The following OR10G4 variants were observed in gnomAD, a reference collection of about 807,000 sequenced individuals.
The protein encoded by OR10G4 is olfactory receptor 10G4.
For synonymous variants in OR10G4, 130 were observed against 159.3 expected (o/e 0.82, Z 1.39); for missense variants, 318 against 388.8 (o/e 0.82, Z 1.53).
chr11:124,015,240 G>T lies in OR10G4; in HGVS notation c.-27-308G>T, dbSNP rs539118875. 1.1e-4 allele frequency: 41 copies of T among 363,332 alleles called. 1 individual carries two copies. In the South Asian group the frequency reaches 1.3e-3, roughly 11 times the overall value. The allele number at this position is 363,332 out of a possible 1,614,324, so 22.5% of individuals were successfully genotyped here. A position where few individuals can be genotyped will look rare whatever the true frequency, so the allele number is the denominator to read the frequency against. ...TCCAGCTGACCTGGCCCACAGAGAG[G>T]GTGAGATAAAAATTTTACACGTTTT... On this transcript the variant is annotated intron_variant, in intron 1 of 1. Transcript: ENST00000641722.
rs554354023 is a variant in OR10G4 at position 124,015,957 on chromosome 11, C to T, written c.383C>T (p.Pro128Leu). 5.5e-5 allele frequency: 89 copies of T among 1,613,926 alleles called. 1 individual carries two copies. The East Asian group carries it at 1.7e-3, about 31-fold the overall frequency. Residue 128 changes from proline (P) to leucine (L), a missense_variant, in exon 2 of 2, where the codon CCG becomes CTG. By Grantham distance (98) the Pro-to-Leu change is moderately conservative. Transcript: ENST00000641722. ...SYDRYLAISY[P>L]LRYTSMMSGS... ...GATCGCTACTTGGCCATCAGTTACC[C>T]GCTCAGGTACACCAGCATGATGAGT...
At position 124,015,563 on chromosome 11, in the gene OR10G4, G is replaced by A; in HGVS notation, c.-12G>A. 1 of 1,607,324 alleles carries A rather than the reference G, an allele frequency of 6.2e-7. No individual in the cohort carries two copies. On this transcript the variant is annotated 5_prime_UTR_variant, in exon 2 of 2. Coordinates refer to ENST00000641722, the MANE Select transcript of OR10G4 (RefSeq NM_001004462.2). ...ATATCCCCAGAGGGAGAGAGACCAA[G>A]GGTGAGAAGAAATGTCCAACGCCAG... is the stretch of plus-strand genomic sequence containing the variant.
rs1864021253 is a variant in OR10G4, at chr11:124,016,423, C to A, written c.849C>A (p.Asn283Lys). The change falls in exon 2 of 2, where the codon AAC (asparagine) becomes AAA (lysine). Residue 283 changes from asparagine (N) to lysine (K), a missense_variant. Asn to Lys is a moderately conservative substitution (Grantham distance 94, BLOSUM62 0). Transcript: ENST00000641722. ...IFYTVLTPLL[N>K]PVVYTLRNKE... ...ACACTGTGCTGACGCCCCTTCTCAA[C>A]CCTGTTGTGTACACCCTGAGAAACA... 1 of 1,614,044 alleles carries A rather than the reference C, an allele frequency of 6.2e-7. No homozygotes were observed. The highest frequency in any genetic ancestry group is 8.5e-7 in the Non-Finnish European group (1 of 1,180,018).
chr11:124,016,309 T>G lies in OR10G4; in HGVS notation c.735T>G (p.Ile245Met). 1.9e-6 allele frequency: 3 copies of G among 1,614,164 alleles called. No individual in the cohort carries two copies. Among genetic ancestry groups the G allele is most frequent in the Non-Finnish European group, 2.5e-6 (3 of 1,180,014 alleles). ...TTCAGACCTGTGCCTCCCACTGTAT[T>G]GTGGTCCTTTGCTTCTTTGTTCCCT... ...RAFQTCASHCIVVLCFFVPCV... is the reference protein window; with the variant it reads ...RAFQTCASHCMVVLCFFVPCV... Residue 245 changes from isoleucine to methionine, a missense_variant, in exon 2 of 2, where the codon ATT (isoleucine) becomes ATG (methionine). By Grantham distance (10) the Ile-to-Met change is conservative (BLOSUM62 1). Transcript: ENST00000641722.
chr11:124,016,584 A>G lies in OR10G4; in HGVS notation c.*74A>G. Reference sequence around the variant, plus strand: ...TAGTTATTCATGTGAAATTGATTATATGTATAGTTCTCAGTGTTAAACTTT... The same window carrying G: ...TAGTTATTCATGTGAAATTGATTATGTGTATAGTTCTCAGTGTTAAACTTT... On this transcript the variant is annotated 3_prime_UTR_variant, in exon 2 of 2. Coordinates refer to ENST00000641722, the MANE Select transcript of OR10G4 (RefSeq NM_001004462.2). The G allele has an allele frequency of 9.9e-7, 1 of 1,012,686 alleles. No homozygotes were observed. Among genetic ancestry groups the G allele is most frequent in the South Asian group, 1.7e-5 (1 of 59,632 alleles). The allele number at this position is 1,012,686 out of a possible 1,614,324, so 62.7% of individuals were successfully genotyped here.
rs970011905 is a variant in OR10G4, at chr11:124,018,160, A to G, written c.*1650A>G. On this transcript the variant is annotated 3_prime_UTR_variant, in exon 2 of 2. Coordinates refer to ENST00000641722, the MANE Select transcript of OR10G4 (RefSeq NM_001004462.2). The stretch of plus-strand genomic sequence containing the variant: ...TAGGTAAGACACTTTTTAGTGATGC[A>G]AAACCTTCTTGGAAAAAAATTAATT... The G allele has an allele frequency of 6.6e-6, 1 of 152,218 alleles. No individual in the cohort carries two copies. Among genetic ancestry groups the G allele is most frequent in the African/African-American group, 2.4e-5 (1 of 41,458 alleles). 9.4% of individuals were successfully genotyped at this position (152,218 alleles called of 1,614,324 possible).
At position 124,016,265 on chromosome 11, in the gene OR10G4, G is replaced by A. The variant is rs140847160; in HGVS notation, c.691G>A (p.Asp231Asn). The change falls in exon 2 of 2, where the codon GAT (aspartate) becomes AAT (asparagine). Residue 231 changes from aspartate to asparagine, a missense_variant. Coordinates refer to ENST00000641722, the MANE Select transcript of OR10G4 (RefSeq NM_001004462.2). ...VCSILRIRTS[D>N]GRRRAFQTCA... ...TTCCATCCTGCGGATCCGCACCTCAGATGGGAGGCGCAGAGCCTTTCAGAC... is the reference window on the plus strand; with the variant it reads ...TTCCATCCTGCGGATCCGCACCTCAAATGGGAGGCGCAGAGCCTTTCAGAC... The A allele has an allele frequency of 3.3e-5, 54 of 1,614,092 alleles. No homozygotes were observed. Among genetic ancestry groups the A allele is most frequent in the Non-Finnish European group, 4.4e-5 (52 of 1,180,038 alleles).
rs1246190304 is a variant in OR10G4, at chr11:124,018,184, T to C, written c.*1674T>C. ...CAAAACCTTCTTGGAAAAAAATTAATTAAAATACTTTTTTAAATTTATTTT... is the reference window on the plus strand; with the variant it reads ...CAAAACCTTCTTGGAAAAAAATTAACTAAAATACTTTTTTAAATTTATTTT... On this transcript the variant is annotated 3_prime_UTR_variant, in exon 2 of 2. Transcript: ENST00000641722. 6.6e-6 allele frequency: 1 copy of C among 152,228 alleles called. No individual in the cohort carries two copies. The highest frequency in any genetic ancestry group is 1.5e-5 in the Non-Finnish European group (1 of 68,036). The allele number at this position is 152,228 out of a possible 1,614,324, so 9.4% of individuals were successfully genotyped here. A position where few individuals can be genotyped will look rare whatever the true frequency, so the allele number is the denominator to read the frequency against.
chr11:124,018,332 CT>C lies in OR10G4; in HGVS notation c.*1823del, dbSNP rs1410786435. 1 of 152,094 alleles carries C rather than the reference CT, an allele frequency of 6.6e-6. No homozygotes were observed. Among genetic ancestry groups the C allele is most frequent in the Non-Finnish European group, 1.5e-5 (1 of 68,014 alleles). The allele number at this position is 152,094 out of a possible 1,614,324, so 9.4% of individuals were successfully genotyped here. A position where few individuals can be genotyped will look rare whatever the true frequency, so the allele number is the denominator to read the frequency against. ...TCATCGGTTACATTAGGTATTTCCCCTAATGCTATCCCTCCCCCAGCCCCCC... is the reference window on the plus strand; with the variant it reads ...TCATCGGTTACATTAGGTATTTCCCCAATGCTATCCCTCCCCCAGCCCCCC... On this transcript the variant is annotated 3_prime_UTR_variant, in exon 2 of 2. Transcript: ENST00000641722.
In OR10G4 at chr11:124,015,894, G is replaced by A. The variant is rs1347475294; in HGVS notation, c.320G>A (p.Gly107Glu). ...CAGCTCTATTTTTTCCACTTCCTGGGGAGCACCGAGTGTTTCCTCTACACA... is the reference window on the plus strand; with the variant it reads ...CAGCTCTATTTTTTCCACTTCCTGGAGAGCACCGAGTGTTTCCTCTACACA... ...VAQLYFFHFL[G>E]STECFLYTVM... Residue 107 changes from glycine to glutamate, a missense_variant, in exon 2 of 2, where the codon GGG (glycine) becomes GAG (glutamate). Coordinates refer to ENST00000641722, the MANE Select transcript of OR10G4 (RefSeq NM_001004462.2). 6.2e-7 allele frequency: 1 copy of A among 1,613,082 alleles called. No homozygotes were observed. Among genetic ancestry groups the A allele is most frequent in the African/African-American group, 1.3e-5 (1 of 74,754 alleles).
At chr11:124,014,258 T>C (rs960015666) in intron 1 of OR10G4, among the ~76,000 whole-genome samples, 1 of 152,126 alleles carries the variant, frequency 6.6e-6, no homozygotes, top group Non-Finnish European at 1.5e-5. Flanking sequence ...AGTAACAATA[T>C]TGGGCATGAA....
In OR10G4 at chr11:124,017,788, A is replaced by G; in HGVS notation, c.*1278A>G. The G allele has an allele frequency of 6.6e-6, 1 of 152,214 alleles. No homozygotes were observed. The highest frequency in any genetic ancestry group is 2.1e-4 in the South Asian group (1 of 4,824). The allele number at this position is 152,214 out of a possible 1,614,324, so 9.4% of individuals were successfully genotyped here. A position where few individuals can be genotyped will look rare whatever the true frequency, so the allele number is the denominator to read the frequency against. ...AATGGAATGAGTCCCAAAATGGTCA[A>G]GAATCTCTTGAAGAAATAAAGGATA... On this transcript the variant is annotated 3_prime_UTR_variant, in exon 2 of 2. Coordinates refer to ENST00000641722, the MANE Select transcript of OR10G4 (RefSeq NM_001004462.2).
intron 1 of OR10G4, chr11:124,015,269 G>T: frequency 1.1e-5 from 5 of 442,862 alleles, no homozygotes; most frequent in Non-Finnish European, 1.2e-5. Flanking sequence ...ACGTTTTATG[G>T]CACTAAGTTT....
Position 124,015,874 on chromosome 11 carries a change from C to A in OR10G4, c.300C>A (p.Leu100=), listed in dbSNP as rs1864012626. 1 of 1,612,924 alleles carries A rather than the reference C, an allele frequency of 6.2e-7. No homozygotes were observed. Among genetic ancestry groups the A allele is most frequent in the African/African-American group, 1.3e-5 (1 of 74,796 alleles). The change falls in exon 2 of 2, where the codon CTC becomes CTA. Residue 100 remains leucine (L), a synonymous_variant. Transcript: ENST00000641722. Reference sequence around the variant, plus strand: ...CCTTCCACAGCTGCGTGGCTCAGCTCTATTTTTTCCACTTCCTGGGGAGCA... The same window carrying A: ...CCTTCCACAGCTGCGTGGCTCAGCTATATTTTTTCCACTTCCTGGGGAGCA... ...AISFHSCVAQ[L]YFFHFLGSTE...
In OR10G4 at chr11:124,013,902, T is replaced by C. The variant is rs1863990867; in HGVS notation, c.-28+790T>C. ...ATTATGCATTGCCTGGGGTTATGAA[T>C]ATGTGGAGGAGGGGAAGATCATGGG... On this transcript the variant is annotated intron_variant, in intron 1 of 1. Coordinates refer to ENST00000641722, the MANE Select transcript of OR10G4 (RefSeq NM_001004462.2). 2.6e-5 allele frequency among the ~76,000 whole-genome samples: 4 copies of C among 152,104 alleles called. No homozygotes were observed. The South Asian group carries it at 8.3e-4, about 32-fold the overall frequency.
chr11:124,016,101 A>G lies in OR10G4; in HGVS notation c.527A>G (p.Tyr176Cys), dbSNP rs926202039. The G allele has an allele frequency of 1.9e-6, 3 of 1,613,776 alleles. No individual in the cohort carries two copies. Among genetic ancestry groups the G allele is most frequent in the Middle Eastern group, 1.7e-4 (1 of 6,056 alleles). The change falls in exon 2 of 2, where the codon TAC (tyrosine) becomes TGC (cysteine). Residue 176 changes from tyrosine to cysteine, a missense_variant. Coordinates refer to ENST00000641722, the MANE Select transcript of OR10G4 (RefSeq NM_001004462.2). ...PYCGPNQIQHYFCDAPPILKL... is the reference protein window; with the variant it reads ...PYCGPNQIQHCFCDAPPILKL... ...TGTGGACCCAACCAGATCCAGCACT[A>G]CTTCTGTGACGCACCGCCCATCCTG...
At chr11:124,015,392 A>G (rs1864005942) in intron 1 of OR10G4, among the ~76,000 whole-genome samples, 156 bp from the exon 2 acceptor site, 1 of 152,260 alleles carries the variant, frequency 6.6e-6, no homozygotes, top group African/African-American at 2.4e-5. Flanking sequence ...AGAGGCTGAA[A>G]TAATTTCATC....
rs200033174 is a variant in OR10G4, at chr11:124,017,811, A to G, written c.*1301A>G. ...CAAGAATCTCTTGAAGAAATAAAGG[A>G]TAACTGAAAGATTGACAACACTAGT... is the stretch of plus-strand genomic sequence containing the variant. On this transcript the variant is annotated 3_prime_UTR_variant, in exon 2 of 2. Coordinates refer to ENST00000641722, the MANE Select transcript of OR10G4 (RefSeq NM_001004462.2). 1 of 152,124 alleles carries G rather than the reference A, an allele frequency of 6.6e-6. No homozygotes were observed. The highest frequency in any genetic ancestry group is 2.4e-5 in the African/African-American group (1 of 41,398). The allele number at this position is 152,124 out of a possible 1,614,324, so 9.4% of individuals were successfully genotyped here. A position where few individuals can be genotyped will look rare whatever the true frequency, so the allele number is the denominator to read the frequency against.
intron 1 of OR10G4, among the ~76,000 whole-genome samples, chr11:124,014,453 C>G (rs901415497): frequency 7.9e-5 from 12 of 152,176 alleles, no homozygotes; most frequent in African/African-American, 2.9e-4. Flanking sequence ...TCAGGGAATT[C>G]CCTGATCCCT....
Sources: allele counts gnomAD v4.1 joint callset (sites outside exome capture counted in the v4.1 genomes callset), GRCh38; gene constraint gnomAD v4.1.1; transcripts MANE v1.5; gene names NCBI Gene and HGNC (gene_info 2026-07-23, HGNC 2026-07-21).